PYGB: variants seen among roughly 807,000 people sequenced by gnomAD.
PYGB encodes the protein glycogen phosphorylase B.
PYGB carries 82 observed loss-of-function variants against 94.3 expected under a neutral mutation model. The ratio of observed to expected loss-of-function variants is 0.87; its 90% confidence interval spans 0.73 to 1.04. The LOEUF (loss-of-function observed/expected upper bound fraction) is 1.04, where lower values mean the gene tolerates loss of function less well. Among genes scored for constraint, PYGB ranks in the 50% least tolerant of loss-of-function variants. The probability of loss-of-function intolerance (pLI) is 0.00; values close to 1 mark genes in which losing one functional copy is unlikely to be tolerated. For missense variants in PYGB, 1,132 were observed against 1,158.2 expected (o/e 0.98, Z 0.33); for synonymous variants, 488 against 479.1 (o/e 1.02, Z -0.24).
At chr20:25,273,187 C>T (rs746431043) in intron 4 of PYGB, among the ~76,000 whole-genome samples, 4 of 152,248 alleles carry the variant, frequency 2.6e-5, no homozygotes, top group Non-Finnish European at 5.9e-5. Context: ...CAGGGAGGCC[C>T]TGCAAGGGAG....
At chr20:25,265,885 A>G (rs1467732752) in intron 2 of PYGB, among the ~76,000 whole-genome samples, 2 of 151,568 alleles carry the variant, frequency 1.3e-5, no homozygotes, top group East Asian at 3.9e-4. Flanking sequence ...GTGAGCCACC[A>G]TGCCCGGCCG....
intron 2 of PYGB, among the ~76,000 whole-genome samples, chr20:25,264,964 G>T (rs183184612): frequency 1.3e-5 from 2 of 152,116 alleles, no homozygotes; most frequent in Non-Finnish European, 2.9e-5. Context: ...AGCCCGCATC[G>T]CCAAGACAAT....
intron 1 of PYGB, among the ~76,000 whole-genome samples, chr20:25,258,857 G>A (rs2092907697): frequency 6.6e-6 from 1 of 152,278 alleles, no homozygotes; most frequent in Non-Finnish European, 1.5e-5. Context: ...TTAGAGATGT[G>A]AAGTAACTTG....
chr20:25,290,295 T>C (rs560625367), intron 15 of PYGB, among the ~76,000 whole-genome samples, 186 bp from the exon 16 acceptor site: 1 of 152,282 alleles, frequency 6.6e-6, no homozygotes, highest in Non-Finnish European at 1.5e-5. Flanking sequence ...GTGGCCACCA[T>C]CGTGAGTGCG....
chr20:25,271,602 G>A (rs1053496987), intron 4 of PYGB, 116 bp downstream of exon 4: 20 of 1,140,344 alleles, frequency 1.8e-5, no homozygotes, highest in Non-Finnish European at 2.6e-5. Flanking sequence ...ACTGCAGGCC[G>A]GCCAGGGCAA....
rs200762574 is a variant in PYGB at position 25,276,632 on chromosome 20, C to G, written c.661-14C>G. 8.1e-6 allele frequency: 13 copies of G among 1,610,378 alleles called. No individual in the cohort carries two copies. The highest frequency in any genetic ancestry group is 5.3e-5 in the African/African-American group (4 of 74,824). ...CCTTGCCACTCCGTCCTGAGCAACC[C>G]GTTTTGTGGCCAGGTGGTGCTGGCC... On this transcript the variant is annotated splice_polypyrimidine_tract_variant and intron_variant, in intron 5 of 19. Transcript: ENST00000216962.
At chr20:25,281,207 G>C in intron 11 of PYGB, 95 bp downstream of exon 11, 1 of 1,478,638 alleles carries the variant, frequency 6.8e-7, no homozygotes, top group Non-Finnish European at 9.2e-7. Flanking sequence ...CAGCTATATA[G>C]CATACAACCT....
rs148995546 is a variant in PYGB, at chr20:25,278,445, G to A, written c.982G>A (p.Glu328Lys). The change falls in exon 8 of 20, where the codon GAG becomes AAG. Residue 328 changes from glutamate to lysine, a missense_variant. Transcript: ENST00000216962. ...CCGGGACCCTGTGAGAACCTGTTTC[G>A]AGACGTTCCCAGACAAGGTGCATGG... ...GCRDPVRTCF[E>K]TFPDKVAIQL... 44 of 1,614,158 alleles carry A rather than the reference G, an allele frequency of 2.7e-5. No individual in the cohort carries two copies. Among genetic ancestry groups the A allele is most frequent in the Admixed American group, 6.7e-5 (4 of 60,024 alleles).
chr20:25,273,739 G>A (rs115495326), intron 4 of PYGB, among the ~76,000 whole-genome samples: 2,136 of 151,704 alleles, frequency 0.014, 39 homozygotes, highest in African/African-American at 0.048. Context: ...AAGCCCTCCC[G>A]GAACAGCTTG....
intron 13 of PYGB, among the ~76,000 whole-genome samples, chr20:25,283,488 G>C (rs2088387968): frequency 6.6e-6 from 1 of 152,228 alleles, no homozygotes; most frequent in Admixed American, 6.5e-5. Context: ...GCCCCGAGGA[G>C]GACAGGTCAC....
chr20:25,288,324 G>T, intron 14 of PYGB, 101 bp from the exon 15 acceptor site: 1 of 1,301,936 alleles, frequency 7.7e-7, no homozygotes, highest in Non-Finnish European at 1.1e-6. Context: ...GGCGGAGCGT[G>T]CCTGTCCTGC....
chr20:25,296,311 GT>G (rs2088543252), intron 19 of PYGB, 58 bp from the exon 20 acceptor site: 1 of 1,596,924 alleles, frequency 6.3e-7, no homozygotes, highest in Non-Finnish European at 8.6e-7. Flanking sequence ...GGAATCCCAT[GT>G]TTTTAGCAGC....
chr20:25,284,295 G>A (rs6050521), intron 14 of PYGB, 44 bp downstream of exon 14: 1 of 1,592,600 alleles, frequency 6.3e-7, no homozygotes. Context: ...TGGGGCCCAA[G>A]GCTTGCCCTT....
intron 1 of PYGB, among the ~76,000 whole-genome samples, chr20:25,251,717 T>C (rs6050488): frequency 0.065 from 9,892 of 152,198 alleles, 993 homozygotes; most frequent in African/African-American, 0.22. Flanking sequence ...TTTGTGAAGC[T>C]GTGTTGTCGA....
Position 25,289,861 on chromosome 20 carries a change from C to T in PYGB, c.1828-620C>T, listed in dbSNP as rs1220459760. On this transcript the variant is annotated intron_variant, in intron 15 of 19. Coordinates refer to ENST00000216962, the MANE Select transcript of PYGB (RefSeq NM_002862.4). ...ATGGGAGTAGACTGAAACATCACCACACAGTACCACCATCCGTCACACCTA... is the reference window on the plus strand; with the variant it reads ...ATGGGAGTAGACTGAAACATCACCATACAGTACCACCATCCGTCACACCTA... The T allele has an allele frequency of 7.5e-6, 4 of 533,398 alleles. No homozygotes were observed. In the African/African-American group the frequency reaches 7.7e-5, roughly 10 times the overall value. The allele number at this position is 533,398 out of a possible 1,614,324, so 33.0% of individuals were successfully genotyped here.
chr20:25,268,161 G>GCCCCCCCC (rs11471520), intron 2 of PYGB, among the ~76,000 whole-genome samples: 1 of 62,076 alleles, frequency 1.6e-5, no homozygotes, highest in Non-Finnish European at 3.1e-5. Flanking sequence ...CCTAGCACCC[G>GCCCCCCCC]CCCCCCCCCC....
chr20:25,269,969 G>C (rs2088251480), intron 3 of PYGB, among the ~76,000 whole-genome samples: 1 of 152,120 alleles, frequency 6.6e-6, no homozygotes. Context: ...TCTGCCCACA[G>C]GGTCCTGTAC....
chr20:25,270,437 C>T (rs530192450), intron 3 of PYGB, among the ~76,000 whole-genome samples: 32 of 152,202 alleles, frequency 2.1e-4, no homozygotes, highest in African/African-American at 7.5e-4. Context: ...CTCCTGACCT[C>T]GTGATCTGCC....
At position 25,284,147 on chromosome 20, in the gene PYGB, A is replaced by G; in HGVS notation, c.1664A>G (p.Lys555Arg). 1 of 1,614,078 alleles carries G rather than the reference A, an allele frequency of 6.2e-7. No individual in the cohort carries two copies. Among genetic ancestry groups the G allele is most frequent in the African/African-American group, 1.3e-5 (1 of 75,044 alleles). ...TCGGCCTTCCTGGAGAAGGAGTACA[A>G]GGTGAAGATCAACCCCTCCTCCATG... ...KFSAFLEKEY[K>R]VKINPSSMFD... Residue 555 changes from lysine (K) to arginine (R), a missense_variant, in exon 14 of 20, where the codon AAG becomes AGG. Transcript: ENST00000216962.
Sources: gnomAD v4.1 joint callset for allele counts (sites outside exome capture counted in the v4.1 genomes callset) on GRCh38, gnomAD v4.1.1 for gene constraint, MANE v1.5 for transcripts, NCBI Gene and HGNC (gene_info 2026-07-23, HGNC 2026-07-21) for gene names.